POM121: variants seen among roughly 807,000 people sequenced by gnomAD.
POM121 encodes the protein POM121 transmembrane nucleoporin.
In POM121, 32 loss-of-function variants were observed where a neutral mutation model predicts 81.3. The ratio of observed to expected loss-of-function variants is 0.39; its 90% confidence interval spans 0.30 to 0.53. The LOEUF (loss-of-function observed/expected upper bound fraction) is 0.53, where lower values mean the gene tolerates loss of function less well. Ranked by LOEUF, POM121 falls within the 20% of genes least tolerant of loss-of-function variation. The pLI is 0.66. For missense variants in POM121, 1,138 were observed against 1,614.6 expected (o/e 0.70, Z 5.06); for synonymous variants, 514 against 694.2 (o/e 0.74, Z 4.08).
chr7:72,900,716 C>G (rs781178980), intron 3 of POM121, among the ~76,000 whole-genome samples: 115 of 151,992 alleles, frequency 7.6e-4, no homozygotes, highest in Non-Finnish European at 1.3e-3. Flanking sequence ...GTTGGCCAGG[C>G]TGGTGTTGAA....
At chr7:72,900,172 C>T (rs868927639) in intron 3 of POM121, among the ~76,000 whole-genome samples, 7 of 152,184 alleles carry the variant, frequency 4.6e-5, no homozygotes, top group Admixed American at 1.3e-4. Context: ...GGCCCCAGGC[C>T]CTGCTCTGTC....
intron 1 of POM121, chr7:72,890,585 C>T: frequency 1.3e-6 from 2 of 1,593,954 alleles, no homozygotes; most frequent in Non-Finnish European, 1.7e-6. Flanking sequence ...TCCCCCTATC[C>T]CTTTTCCATA....
chr7:72,922,314 A>G (rs1257768204), upstream of POM121, among the ~76,000 whole-genome samples: 1 of 152,014 alleles, frequency 6.6e-6, no homozygotes, highest in Non-Finnish European at 1.5e-5. Flanking sequence ...CCTTTTGGTT[A>G]TATGTATTAG....
chr7:72,882,374 T>TGAC (rs1790249478), intron 1 of POM121, among the ~76,000 whole-genome samples: 3 of 152,198 alleles, frequency 2.0e-5, no homozygotes, highest in African/African-American at 7.2e-5. Flanking sequence ...ACCGAAACCA[T>TGAC]ATCACCATCC....
At chr7:72,929,012 T>C (rs1795755391) in intron 4 of POM121, among the ~76,000 whole-genome samples, 2 of 152,226 alleles carry the variant, frequency 1.3e-5, no homozygotes. Flanking sequence ...CTGCTCACTG[T>C]CCGTGGAGCA....
chr7:72,949,368 A>C (rs782418134), downstream of POM121: 3 of 849,386 alleles, frequency 3.5e-6, no homozygotes, highest in Admixed American at 5.1e-5. Context: ...GATAGCGCGG[A>C]TCTAAGGGGG....
At chr7:72,949,005 G>A (rs782389344), downstream of POM121, 55 of 1,609,830 alleles carry the variant, frequency 3.4e-5, no homozygotes, top group Non-Finnish European at 4.2e-5. Context: ...AAGTGAGCGC[G>A]TGGCACAGGG....
At chr7:72,903,590 A>G (rs1163323587) in intron 3 of POM121, among the ~76,000 whole-genome samples, 1 of 152,100 alleles carries the variant, frequency 6.6e-6, no homozygotes, top group African/African-American at 2.4e-5. Context: ...CTTCTTTTAC[A>G]TGTGCAATCT....
At chr7:72,907,100 C>G (rs1199656007) in intron 3 of POM121, among the ~76,000 whole-genome samples, 2 of 152,038 alleles carry the variant, frequency 1.3e-5, no homozygotes, top group Non-Finnish European at 2.9e-5. Flanking sequence ...TTAGACATTT[C>G]TTAGTATGCC....
chr7:72,941,390 C>T (rs1422302484), intron 10 of POM121, among the ~76,000 whole-genome samples: 4 of 150,348 alleles, frequency 2.7e-5, no homozygotes, highest in Non-Finnish European at 4.4e-5. Context: ...CTGGTGTTCC[C>T]GGCCCAGGCC....
intron 1 of POM121, among the ~76,000 whole-genome samples, chr7:72,883,331 C>T (rs1441505380): frequency 2.0e-5 from 3 of 152,326 alleles, no homozygotes; most frequent in South Asian, 2.1e-4. Context: ...CCACTGCTCC[C>T]GGCCTAGAAA....
chr7:72,949,251 A>T, downstream of POM121: 2 of 819,042 alleles, frequency 2.4e-6, no homozygotes, highest in Non-Finnish European at 4.4e-6. Flanking sequence ...AAAACAGATG[A>T]CTCCAGGTCT....
At position 72,945,672 on chromosome 7, in the gene POM121, G is replaced by T. The variant is rs1554503028; in HGVS notation, c.3616G>T (p.Ala1206Ser). The T allele has an allele frequency of 3.7e-6, 6 of 1,612,382 alleles. No homozygotes were observed. In the South Asian group the frequency reaches 6.6e-5, roughly 18 times the overall value. ...GSSLSFGASS[A>S]PAQGFVGVAP... ...CAGCCTCTCCTTTGGGGCATCCTCAGCACCCGCCCAAGGCTTTGTTGGTGT... is the reference window on the plus strand; with the variant it reads ...CAGCCTCTCCTTTGGGGCATCCTCATCACCCGCCCAAGGCTTTGTTGGTGT... Residue 1206 changes from alanine (A) to serine (S), a missense_variant, in exon 12 of 13, where the codon GCA (alanine) becomes TCA (serine). Transcript: ENST00000434423.
intron 4 of POM121, among the ~76,000 whole-genome samples, chr7:72,915,214 C>T (rs540603633): frequency 1.3e-5 from 2 of 152,234 alleles, no homozygotes; most frequent in South Asian, 4.1e-4. Context: ...CTTCGGCTGC[C>T]CTCTAGTGGC....
intron 3 of POM121, among the ~76,000 whole-genome samples, chr7:72,908,635 T>G (rs569920393): frequency 2.0e-5 from 3 of 152,194 alleles, no homozygotes; most frequent in Admixed American, 6.5e-5. Flanking sequence ...CTCCCTTATC[T>G]GCAACCGTAA....
At chr7:72,881,131 C>A (rs1429182927) in intron 1 of POM121, among the ~76,000 whole-genome samples, 3 of 142,276 alleles carry the variant, frequency 2.1e-5, no homozygotes, top group African/African-American at 7.9e-5. Context: ...ACAGCGTGGT[C>A]TCGGCTCACT....
At position 72,929,962 on chromosome 7, in the gene POM121, C is replaced by G. The variant is rs368289709; in HGVS notation, c.1126C>G (p.Leu376Val). 5 of 1,611,346 alleles carry G rather than the reference C, an allele frequency of 3.1e-6. No homozygotes were observed. In the East Asian group the frequency reaches 8.9e-5, roughly 29 times the overall value. ...TAGGCCTGGGTCTCTGAAGAGAGGC[C>G]TCAATTCTCAGAGCTCAGATGACCA... is the stretch of plus-strand genomic sequence containing the variant. ...VPKPGSLKRGLNSQSSDDHLN... is the reference protein window; with the variant it reads ...VPKPGSLKRGVNSQSSDDHLN... The change falls in exon 5 of 13, where the codon CTC becomes GTC. Residue 376 changes from leucine to valine, a missense_variant. Leu to Val is a conservative substitution (Grantham distance 32). Around this residue, in one of 7 missense-constraint regions of POM121, gnomAD observed 646 missense variants for 633.5 expected, o/e 1.02. Transcript: ENST00000434423.
At chr7:72,879,756 C>A in exon 1 of POM121, 1 of 484,154 alleles carries the variant, frequency 2.1e-6, no homozygotes, top group South Asian at 1.5e-5. Flanking sequence ...CGGCCCGGGC[C>A]CCTCGGGAGC....
At chr7:72,926,181 G>A in intron 1 of POM121, 81 bp from the exon 2 acceptor site, 2 of 1,369,438 alleles carry the variant, frequency 1.5e-6, no homozygotes, top group Admixed American at 2.0e-5. Context: ...GAAAATGTCT[G>A]AACTGGTGGG....
Sources: allele counts gnomAD v4.1 joint callset (sites outside exome capture counted in the v4.1 genomes callset), GRCh38; gene constraint gnomAD v4.1.1; regional missense constraint gnomAD v4.1.1; transcripts MANE v1.5; gene names NCBI Gene and HGNC (gene_info 2026-07-23, HGNC 2026-07-21).